The following GRIA1 variants were observed in gnomAD, a reference collection of about 807,000 sequenced individuals.
GRIA1 encodes the protein glutamate ionotropic receptor AMPA type subunit 1.
A neutral mutation model predicts 99.2 loss-of-function variants in GRIA1; 31 were observed. The ratio of observed to expected loss-of-function variants is 0.31; its 90% CI spans 0.23 to 0.42. The LOEUF (loss-of-function observed/expected upper bound fraction) is 0.42, where lower values mean the gene tolerates loss of function less well. Ranked by LOEUF, GRIA1 falls within the 10% of genes least tolerant of loss-of-function variation. The pLI is 1.00. For missense variants in GRIA1, 782 were observed against 1,157.5 expected (o/e 0.68, Z 4.71); for synonymous variants, 438 against 432.4 (o/e 1.01, Z -0.16).
chr5:153,527,771 C>T (rs1252009243), intron 2 of GRIA1, among the ~76,000 whole-genome samples: 3 of 152,176 alleles, frequency 2.0e-5, no homozygotes, highest in Non-Finnish European at 4.4e-5. Flanking sequence ...ATGGAAACTT[C>T]CTTAATAAAT....
intron 2 of GRIA1, among the ~76,000 whole-genome samples, chr5:153,645,242 T>C (rs1754060802): frequency 6.6e-6 from 1 of 152,102 alleles, no homozygotes; most frequent in South Asian, 2.1e-4. Flanking sequence ...TGCAAGCAGA[T>C]GTTAATGATC....
intron 11 of GRIA1, among the ~76,000 whole-genome samples, chr5:153,762,338 G>A (rs1420881898): frequency 6.6e-6 from 1 of 152,064 alleles, no homozygotes; most frequent in Non-Finnish European, 1.5e-5. Flanking sequence ...AAAGGAAAGA[G>A]GTACAGTTTA....
chr5:153,653,161 TAC>T (rs1300373300), intron 4 of GRIA1, among the ~76,000 whole-genome samples: 1 of 152,204 alleles, frequency 6.6e-6, no homozygotes, highest in Non-Finnish European at 1.5e-5. Context: ...AAGTATTCAA[TAC>T]ATTCTTTTCA....
At chr5:153,721,432 C>T (rs899149638) in intron 11 of GRIA1, among the ~76,000 whole-genome samples, 1 of 152,046 alleles carries the variant, frequency 6.6e-6, no homozygotes, top group African/African-American at 2.4e-5. Context: ...TTTCAGAAAA[C>T]TAATTTTCAG....
rs769307833 is a variant in GRIA1 at position 153,650,409 on chromosome 5, C to G, written c.540C>G (p.Thr180=). 6.2e-7 allele frequency: 1 copy of G among 1,613,856 alleles called. No individual in the cohort carries two copies. The highest frequency in any genetic ancestry group is 1.1e-5 in the South Asian group (1 of 91,078). ...TGACAGCAGTCAACATTTTGACAAC[C>G]ACAGAGGAGGGATACCGGATGCTCT... ...WQVTAVNILT[T]TEEGYRMLFQ... is the part of the protein sequence containing the mutation. The change falls in exon 4 of 16, where the codon ACC becomes ACG. Residue 180 remains threonine, a synonymous_variant. Coordinates refer to ENST00000285900, the MANE Select transcript of GRIA1 (RefSeq NM_000827.4).
At chr5:153,678,521 G>T (rs78402561) in intron 7 of GRIA1, among the ~76,000 whole-genome samples, 4,622 of 152,214 alleles carry the variant, frequency 0.03, 191 homozygotes, top group African/African-American at 0.096. Flanking sequence ...CAGACACCAG[G>T]CAGCTTGCAG....
At chr5:153,491,107 G>A (rs1753872786) in intron 1 of GRIA1, 137 bp downstream of exon 1, 10 of 1,046,618 alleles carry the variant, frequency 9.6e-6, no homozygotes, top group South Asian at 1.4e-5. Context: ...TAACAGAAGG[G>A]AGACTTGGGC....
chr5:153,623,630 A>G (rs899601066), intron 2 of GRIA1, among the ~76,000 whole-genome samples: 2 of 152,240 alleles, frequency 1.3e-5, no homozygotes, highest in Admixed American at 1.3e-4. Context: ...TGTTAGTTCT[A>G]TCAACATGGA....
intron 11 of GRIA1, among the ~76,000 whole-genome samples, chr5:153,711,816 TGA>T (rs1759334983): frequency 6.6e-6 from 1 of 152,186 alleles, no homozygotes; most frequent in Non-Finnish European, 1.5e-5. Context: ...AGTAAGAGAA[TGA>T]GAGGAGGTTA....
At chr5:153,707,831 G>A (rs928761102) in intron 11 of GRIA1, among the ~76,000 whole-genome samples, 7 of 151,850 alleles carry the variant, frequency 4.6e-5, no homozygotes, top group Admixed American at 3.9e-4. Flanking sequence ...GGGGTGGGGG[G>A]CGCGTGGGAG....
chr5:153,501,606 C>T (rs911316169), intron 2 of GRIA1, among the ~76,000 whole-genome samples: 4 of 152,210 alleles, frequency 2.6e-5, no homozygotes, highest in Non-Finnish European at 5.9e-5. Flanking sequence ...CATCAGAAAT[C>T]AGATGCTTGA....
intron 2 of GRIA1, among the ~76,000 whole-genome samples, chr5:153,601,601 A>G (rs1176759488): frequency 1.3e-5 from 2 of 152,192 alleles, no homozygotes; most frequent in African/African-American, 2.4e-5. Context: ...TCAACACCAG[A>G]TTGTTAGGGC....
chr5:153,705,693 T>TTTTTAA lies in GRIA1; in HGVS notation c.1453-4_1453-3insTTTTAA. 9.1e-7 allele frequency: 1 copy of TTTTTAA among 1,101,458 alleles called. No individual in the cohort carries two copies. The highest frequency in any genetic ancestry group is 2.8e-5 in the South Asian group (1 of 35,316). The allele number at this position is 1,101,458 out of a possible 1,614,324, so 68.2% of individuals were successfully genotyped here. Reference sequence around the variant, plus strand: ...TTTTTTTTTTTTTTTTTTTTTTTTTTCAGAGAGCAGATGTGGCTGTGGCTC... The same window carrying TTTTTAA: ...TTTTTTTTTTTTTTTTTTTTTTTTTTTTTTAACAGAGAGCAGATGTGGCTGTGGCTC... On this transcript the variant is annotated splice_polypyrimidine_tract_variant and splice_region_variant and intron_variant, in intron 10 of 15. Transcript: ENST00000285900.
chr5:153,722,544 C>T (rs1182593794), intron 11 of GRIA1, among the ~76,000 whole-genome samples: 1 of 152,138 alleles, frequency 6.6e-6, no homozygotes, highest in Non-Finnish European at 1.5e-5. Flanking sequence ...TCCTATTGAA[C>T]TTGCATGATT....
At chr5:153,669,294 T>C (rs7736182) in intron 5 of GRIA1, among the ~76,000 whole-genome samples, 43,575 of 152,130 alleles carry the variant, frequency 0.29, 6,821 homozygotes, top group Non-Finnish European at 0.34. Flanking sequence ...CTCAAAACTC[T>C]TAAAAAGCTG....
chr5:153,512,012 T>C (rs1164060284), intron 2 of GRIA1, among the ~76,000 whole-genome samples: 1 of 152,136 alleles, frequency 6.6e-6, no homozygotes, highest in Non-Finnish European at 1.5e-5. Flanking sequence ...AAAGCAAATC[T>C]GCTGCAAAAA....
intron 2 of GRIA1, among the ~76,000 whole-genome samples, chr5:153,641,264 T>C (rs1262390957): frequency 6.6e-6 from 1 of 151,968 alleles, no homozygotes; most frequent in Non-Finnish European, 1.5e-5. Context: ...GAAATGTCGG[T>C]GTGAGAGGCC....
intron 11 of GRIA1, chr5:153,755,788 A>G (rs1452351595): frequency 1.3e-5 from 2 of 152,266 alleles, no homozygotes; most frequent in Non-Finnish European, 2.9e-5. Context: ...GTCTCTCTGC[A>G]GGAGCTTTGA....
At chr5:153,591,294 T>A (rs12521489) in intron 2 of GRIA1, among the ~76,000 whole-genome samples, 17,733 of 152,244 alleles carry the variant, frequency 0.12, 1,059 homozygotes, top group Middle Eastern at 0.14. Context: ...AGACCATTCT[T>A]AACTTTTCAA....
Sources: allele counts gnomAD v4.1 joint callset (sites outside exome capture counted in the v4.1 genomes callset), GRCh38; gene constraint gnomAD v4.1.1; transcripts MANE v1.5; gene names NCBI Gene and HGNC (gene_info 2026-07-23, HGNC 2026-07-21).